SGCG: variants seen among roughly 807,000 people sequenced by gnomAD.
SGCG encodes gamma-sarcoglycan.
Under a neutral mutation model 29.3 loss-of-function variants are expected in SGCG, and 26 were observed. The ratio of observed to expected loss-of-function variants is 0.89; its 90% CI spans 0.65 to 1.23. The LOEUF is 1.23. Among genes scored for constraint, SGCG ranks in the 50% most tolerant of loss-of-function variants. SGCG has a pLI of 0.00. For missense variants in SGCG, 353 were observed against 356.0 expected (o/e 0.99, Z 0.07); for synonymous variants, 145 against 129.7 (o/e 1.12, Z -0.80).
intron 6 of SGCG, among the ~76,000 whole-genome samples, chr13:23,310,405 A>C (rs1013439287): frequency 6.6e-6 from 1 of 152,016 alleles, no homozygotes. Context: ...CCTTTTAATC[A>C]TAAGTAATGT....
intron 1 of SGCG, among the ~76,000 whole-genome samples, chr13:23,202,941 A>G (rs1347835577): frequency 3.9e-5 from 6 of 152,068 alleles, no homozygotes; most frequent in Admixed American, 3.9e-4. Flanking sequence ...AAAATGAATA[A>G]TTTTTTAAGT....
chr13:23,208,155 T>C (rs1285092075), intron 2 of SGCG, among the ~76,000 whole-genome samples: 1 of 152,122 alleles, frequency 6.6e-6, no homozygotes, highest in Non-Finnish European at 1.5e-5. Context: ...AACTACCATA[T>C]AATTATTTAC....
At chr13:23,323,732 A>C (rs532691594) in intron 7 of SGCG, among the ~76,000 whole-genome samples, 26 of 152,290 alleles carry the variant, frequency 1.7e-4, no homozygotes, top group South Asian at 4.1e-4. Context: ...ATCTAATAGG[A>C]GGCTGTGCAG....
chr13:23,185,995 G>A (rs528508815), intron 1 of SGCG, among the ~76,000 whole-genome samples: 2 of 152,292 alleles, frequency 1.3e-5, no homozygotes, highest in East Asian at 3.9e-4. Flanking sequence ...TTTCCTGGGG[G>A]AACACTGAGG....
At chr13:23,280,811 A>G (rs1403215886) in intron 5 of SGCG, among the ~76,000 whole-genome samples, 1 of 152,252 alleles carries the variant, frequency 6.6e-6, no homozygotes, top group Admixed American at 6.5e-5. Context: ...GTAGAGTATC[A>G]TTGTACTGCA....
intron 3 of SGCG, among the ~76,000 whole-genome samples, chr13:23,236,538 C>T (rs772934243): frequency 6.6e-6 from 1 of 151,878 alleles, no homozygotes; most frequent in Non-Finnish European, 1.5e-5. Flanking sequence ...ATCAGCCGGG[C>T]GTGGTGGCGG....
intron 4 of SGCG, among the ~76,000 whole-genome samples, chr13:23,274,715 C>T (rs1881005783): frequency 6.6e-6 from 1 of 152,092 alleles, no homozygotes; most frequent in Non-Finnish European, 1.5e-5. Flanking sequence ...AGCCACTGTG[C>T]CCGGTCTGTG....
chr13:23,232,361 C>T (rs1004117702), intron 2 of SGCG, among the ~76,000 whole-genome samples: 2 of 152,190 alleles, frequency 1.3e-5, no homozygotes, highest in African/African-American at 4.8e-5. Context: ...AGGTAATATT[C>T]AGTTCAGGGT....
At chr13:23,324,103 A>G (rs150895298) in intron 7 of SGCG, among the ~76,000 whole-genome samples, 1 of 152,334 alleles carries the variant, frequency 6.6e-6, no homozygotes, top group African/African-American at 2.4e-5. Flanking sequence ...ATGGGGCCAC[A>G]TTTCTCAGCT....
intron 2 of SGCG, among the ~76,000 whole-genome samples, chr13:23,224,841 C>A (rs1433655081): frequency 6.6e-6 from 1 of 152,072 alleles, no homozygotes; most frequent in African/African-American, 2.4e-5. Flanking sequence ...CCAGATCATA[C>A]AATAGAGTAA....
intron 6 of SGCG, among the ~76,000 whole-genome samples, chr13:23,310,935 C>G (rs1348152331): frequency 6.6e-6 from 1 of 152,164 alleles, no homozygotes; most frequent in African/African-American, 2.4e-5. Context: ...CATCTCCCTG[C>G]TTTATTTTTT....
chr13:23,295,397 T>A lies in SGCG; in HGVS notation c.506-18T>A. 1.3e-6 allele frequency: 2 copies of A among 1,593,366 alleles called. No individual in the cohort carries two copies. The highest frequency in any genetic ancestry group is 2.2e-5 in the South Asian group (2 of 90,706). On this transcript the variant is annotated intron_variant, in intron 5 of 7. Coordinates refer to ENST00000218867, the MANE Select transcript of SGCG (RefSeq NM_000231.3). ...TTATTTTACTTCTGCTCCTGATACA[T>A]CTTTGTTTTTTGTTTAGGGCCTGAA...
chr13:23,305,334 G>A (rs1043165962), intron 6 of SGCG, among the ~76,000 whole-genome samples: 2 of 152,078 alleles, frequency 1.3e-5, no homozygotes, highest in African/African-American at 4.8e-5. Context: ...CCCTGTTACT[G>A]TTTTAGATAT....
chr13:23,306,339 G>C, intron 6 of SGCG, among the ~76,000 whole-genome samples: 1 of 152,168 alleles, frequency 6.6e-6, no homozygotes, highest in Non-Finnish European at 1.5e-5. Flanking sequence ...TTTAAAGACA[G>C]TGTTTTAATA....
intron 4 of SGCG, among the ~76,000 whole-genome samples, chr13:23,263,188 A>G (rs1184503413): frequency 6.6e-6 from 1 of 152,030 alleles, no homozygotes; most frequent in Non-Finnish European, 1.5e-5. Flanking sequence ...AAGATCAATG[A>G]AACAAAATCT....
intron 6 of SGCG, among the ~76,000 whole-genome samples, chr13:23,311,861 C>G (rs1445855423): frequency 2.6e-5 from 4 of 152,046 alleles, no homozygotes; most frequent in African/African-American, 4.8e-5. Flanking sequence ...TCCAAACCCC[C>G]CACCGTGACC....
At chr13:23,231,057 T>C (rs1178849647) in intron 2 of SGCG, among the ~76,000 whole-genome samples, 1 of 152,240 alleles carries the variant, frequency 6.6e-6, no homozygotes, top group Non-Finnish European at 1.5e-5. Context: ...GTGCTTTTTG[T>C]CTTTAGTTCT....
chr13:23,254,907 C>T (rs1352983671), intron 4 of SGCG, among the ~76,000 whole-genome samples: 2 of 152,320 alleles, frequency 1.3e-5, no homozygotes, highest in South Asian at 2.1e-4. Flanking sequence ...TCTCCAGGCC[C>T]GCAGAATGCA....
intron 3 of SGCG, chr13:23,243,479 C>G (rs919574470): frequency 2.6e-5 from 4 of 152,238 alleles, no homozygotes; most frequent in African/African-American, 9.7e-5. Flanking sequence ...GTACCCCTAG[C>G]CTCAAGACAG....
Sources: gnomAD v4.1 joint callset for allele counts (sites outside exome capture counted in the v4.1 genomes callset) on GRCh38, gnomAD v4.1.1 for gene constraint, MANE v1.5 for transcripts, NCBI Gene and HGNC (gene_info 2026-07-23, HGNC 2026-07-21) for gene names.